The following CTTNBP2 variants were observed in gnomAD, a reference collection of about 807,000 sequenced individuals.
CTTNBP2 encodes the protein cortactin-binding protein 2.
CTTNBP2 carries 108 observed loss-of-function variants against 156.9 expected under a neutral mutation model. That is an observed-to-expected ratio of 0.69 (90% confidence interval 0.59 to 0.81). The LOEUF (loss-of-function observed/expected upper bound fraction) is 0.81, where lower values mean the gene tolerates loss of function less well. CTTNBP2 is among the 30% of genes least tolerant of loss of function. The probability of loss-of-function intolerance (pLI) is 0.00; values close to 1 mark genes in which losing one functional copy is unlikely to be tolerated. For synonymous variants in CTTNBP2, 767 were observed against 751.8 expected (o/e 1.02, Z -0.33); for missense variants, 1,924 against 2,035.4 (o/e 0.95, Z 1.05).
chr7:117,812,906 C>T (rs937610135), intron 2 of CTTNBP2, among the ~76,000 whole-genome samples: 3 of 152,142 alleles, frequency 2.0e-5, no homozygotes, highest in Non-Finnish European at 2.9e-5. Flanking sequence ...CATCTTCATT[C>T]GGTGGTACGG....
Position 117,721,066 on chromosome 7 carries a change from CTTTTG to C in CTTNBP2, c.4507_4511del (p.Gln1503ValfsTer5), listed in dbSNP as rs559657738. 14 of 1,584,974 alleles carry C rather than the reference CTTTTG, an allele frequency of 8.8e-6. No homozygotes were observed. Among genetic ancestry groups the C allele is most frequent in the Non-Finnish European group, 1.2e-5 (14 of 1,153,682 alleles). ...GAGTTAAATTTGAAAGGGGAACTTACTTTTGTTTTGACAGAGAAGCATTCCTGTTA... is the reference window on the plus strand; with the variant it reads ...GAGTTAAATTTGAAAGGGGAACTTACTTTTGACAGAGAAGCATTCCTGTTA... On this transcript the variant is annotated frameshift_variant and splice_region_variant, in exon 20 of 23. Coordinates refer to ENST00000160373, the MANE Select transcript of CTTNBP2 (RefSeq NM_033427.3). LOFTEE classifies it high-confidence loss of function.
At chr7:117,801,663 T>C (rs1799610480) in intron 3 of CTTNBP2, among the ~76,000 whole-genome samples, 1 of 152,164 alleles carries the variant, frequency 6.6e-6, no homozygotes, top group Non-Finnish European at 1.5e-5. Flanking sequence ...CATCAAAATA[T>C]TTAGGAGTAA....
chr7:117,847,959 C>T (rs1802701924), intron 2 of CTTNBP2, among the ~76,000 whole-genome samples: 2 of 150,014 alleles, frequency 1.3e-5, no homozygotes, highest in South Asian at 2.1e-4. Flanking sequence ...GCTGGGATTA[C>T]AAGCATGTGC....
At chr7:117,805,360 G>C (rs900558630) in intron 3 of CTTNBP2, among the ~76,000 whole-genome samples, 2 of 152,162 alleles carry the variant, frequency 1.3e-5, no homozygotes, top group Non-Finnish European at 2.9e-5. Flanking sequence ...GGAGATCTGA[G>C]TTCTACCACC....
chr7:117,873,355 C>G lies in CTTNBP2; in HGVS notation c.61G>C (p.Gly21Arg), dbSNP rs905821075. ...DLSRAPEDAAGAAAEAAKKEF... is the reference protein window; with the variant it reads ...DLSRAPEDAARAAAEAAKKEF... The stretch of plus-strand genomic sequence containing the variant: ...GTTACCGCCGCCTCCGCCGCGGCCC[C>G]CGCCGCGTCCTCCGGGGCCCGGGAC... Residue 21 changes from glycine to arginine, a missense_variant, in exon 1 of 23, where the codon GGG (glycine) becomes CGG (arginine). Physicochemically the swap from Gly to Arg is moderately radical, Grantham distance 125. Coordinates refer to ENST00000160373, the MANE Select transcript of CTTNBP2 (RefSeq NM_033427.3). 1.4e-6 allele frequency: 2 copies of G among 1,461,386 alleles called. No individual in the cohort carries two copies. The highest frequency in any genetic ancestry group is 2.0e-4 in the Middle Eastern group (1 of 5,022). 90.5% of individuals were successfully genotyped at this position (1,461,386 alleles called of 1,614,324 possible).
intron 2 of CTTNBP2, among the ~76,000 whole-genome samples, chr7:117,821,115 T>C (rs1800937981): frequency 6.6e-6 from 1 of 152,162 alleles, no homozygotes. Context: ...ATTCCTTTTT[T>C]GGTTTCAGTA....
intron 2 of CTTNBP2, among the ~76,000 whole-genome samples, chr7:117,848,727 CAAGT>C (rs1480664273): frequency 6.6e-6 from 1 of 152,170 alleles, no homozygotes; most frequent in African/African-American, 2.4e-5. Context: ...TACTGGGACT[CAAGT>C]AAGATTTCAT....
intron 9 of CTTNBP2, among the ~76,000 whole-genome samples, chr7:117,763,146 C>T (rs1317830378): frequency 1.3e-5 from 2 of 152,128 alleles, no homozygotes; most frequent in African/African-American, 4.8e-5. Context: ...ATTTATTGTT[C>T]ATTTTATCTC....
At chr7:117,731,492 T>G (rs1562958515) in intron 16 of CTTNBP2, among the ~76,000 whole-genome samples, 2 of 152,148 alleles carry the variant, frequency 1.3e-5, no homozygotes, top group Admixed American at 6.5e-5. Flanking sequence ...TCTCTGAGGG[T>G]GAGAGGAACC....
chr7:117,737,403 T>C (rs1441750677), intron 14 of CTTNBP2, among the ~76,000 whole-genome samples: 1 of 152,128 alleles, frequency 6.6e-6, no homozygotes, highest in African/African-American at 2.4e-5. Context: ...GTTAAGTGCA[T>C]CGCCAGTTTA....
chr7:117,826,092 C>T (rs1208091568), intron 2 of CTTNBP2, among the ~76,000 whole-genome samples: 1 of 152,094 alleles, frequency 6.6e-6, no homozygotes, highest in Admixed American at 6.5e-5. Context: ...AAGGGAAAAC[C>T]TCAGCACTCC....
intron 2 of CTTNBP2, among the ~76,000 whole-genome samples, chr7:117,852,366 C>T (rs1262879128): frequency 6.6e-6 from 1 of 150,454 alleles, no homozygotes; most frequent in Admixed American, 6.6e-5. Context: ...AATGCAACTA[C>T]AAGAGACAGA....
intron 12 of CTTNBP2, among the ~76,000 whole-genome samples, chr7:117,748,759 C>G (rs952148457): frequency 1.3e-5 from 2 of 152,226 alleles, no homozygotes; most frequent in Non-Finnish European, 1.5e-5. Context: ...ATTTTCCAAA[C>G]TTTTTCTGTT....
chr7:117,792,406 T>C lies in CTTNBP2; in HGVS notation c.790A>G (p.Lys264Glu). The C allele has an allele frequency of 6.2e-7, 1 of 1,614,216 alleles. No individual in the cohort carries two copies. The highest frequency in any genetic ancestry group is 8.5e-7 in the Non-Finnish European group (1 of 1,180,040). Residue 264 changes from lysine (K) to glutamate (E), a missense_variant, in exon 4 of 23, where the codon AAA (lysine) becomes GAA (glutamate). By Grantham distance (56) the Lys-to-Glu change is moderately conservative. Transcript: ENST00000160373. This position sits in a 1 kb window ranked among gnomAD's most constrained non-coding sequence, Gnocchi z 4.2. ...CCCCTTTTCAGTTGCTCAATCATTTTCCTCATCTTGTCTATCTCCTCTTTG... is the reference window on the plus strand; with the variant it reads ...CCCCTTTTCAGTTGCTCAATCATTTCCCTCATCTTGTCTATCTCCTCTTTG... The part of the protein sequence containing the change: ...DLKEEIDKMR[K>E]MIEQLKRGSD...
chr7:117,768,098 C>T (rs1797592073), intron 8 of CTTNBP2, among the ~76,000 whole-genome samples: 1 of 151,810 alleles, frequency 6.6e-6, no homozygotes, highest in Admixed American at 6.6e-5. Context: ...AATGCACACA[C>T]ACACACACAC....
intron 2 of CTTNBP2, among the ~76,000 whole-genome samples, chr7:117,818,053 C>G (rs1800725916): frequency 6.6e-6 from 1 of 152,028 alleles, no homozygotes; most frequent in African/African-American, 2.4e-5. Flanking sequence ...TAAATCAGAA[C>G]AAAGAAATTA....
At chr7:117,715,922 G>A (rs1216627871) in intron 22 of CTTNBP2, 1 of 152,150 alleles carries the variant, frequency 6.6e-6, no homozygotes, top group Non-Finnish European at 1.5e-5. Flanking sequence ...CAGCTGAGTA[G>A]GAGAAGAGAA....
chr7:117,744,912 G>A (rs139278365), intron 14 of CTTNBP2, among the ~76,000 whole-genome samples: 21 of 152,250 alleles, frequency 1.4e-4, no homozygotes, highest in African/African-American at 4.8e-4. Flanking sequence ...AGATATAGAA[G>A]CACCCCTCCC....
At chr7:117,853,302 T>G (rs1018538574) in intron 2 of CTTNBP2, among the ~76,000 whole-genome samples, 1 of 152,212 alleles carries the variant, frequency 6.6e-6, no homozygotes, top group African/African-American at 2.4e-5. Flanking sequence ...TTTAGTTTAC[T>G]TTTAGCTGGT....
Sources: gnomAD v4.1 joint callset for allele counts (sites outside exome capture counted in the v4.1 genomes callset) on GRCh38, gnomAD v4.1.1 for gene constraint, Gnocchi (gnomAD v3.1) non-coding constraint, MANE v1.5 for transcripts, NCBI Gene and HGNC (gene_info 2026-07-23, HGNC 2026-07-21) for gene names.